The following NBEA variants were observed in gnomAD, a reference collection of about 807,000 sequenced individuals.
NBEA encodes the protein neurobeachin, also known as lysosomal-trafficking regulator 2.
Under a neutral mutation model 343.4 loss-of-function variants are expected in NBEA, and 44 were observed. The ratio of observed to expected loss-of-function variants is 0.13; its 90% confidence interval spans 0.10 to 0.16. The LOEUF is 0.16. Among genes scored for constraint, NBEA ranks in the 10% least tolerant of loss-of-function variants. NBEA has a pLI of 1.00. For missense variants in NBEA, 2,555 were observed against 3,631.3 expected (o/e 0.70, Z 7.62); for synonymous variants, 1,175 against 1,238.7 (o/e 0.95, Z 1.08).
chr13:34,971,149 AGTTT>A (rs889549085), intron 1 of NBEA, among the ~76,000 whole-genome samples: 2 of 148,396 alleles, frequency 1.3e-5, no homozygotes, highest in African/African-American at 4.9e-5. Context: ...TGTGAGTGGG[AGTTT>A]GTTTGTGGTT....
At chr13:35,494,852 A>G (rs555929317) in intron 41 of NBEA, among the ~76,000 whole-genome samples, 1 of 151,866 alleles carries the variant, frequency 6.6e-6, no homozygotes, top group Admixed American at 6.6e-5. Context: ...TCTACAAAAA[A>G]TAGAAAAATT....
intron 1 of NBEA, among the ~76,000 whole-genome samples, chr13:34,978,351 A>G (rs1402692623): frequency 1.3e-5 from 2 of 152,178 alleles, no homozygotes; most frequent in Admixed American, 6.5e-5. Context: ...TACAATTTAC[A>G]TTTTACTAAA....
intron 13 of NBEA, among the ~76,000 whole-genome samples, chr13:35,116,545 TG>T (rs1372381163): frequency 3.3e-5 from 5 of 152,122 alleles, no homozygotes; most frequent in Non-Finnish European, 7.4e-5. Context: ...ATAGGCGGGA[TG>T]GATTTTTTGG....
At chr13:35,471,636 A>G (rs1413937897) in intron 40 of NBEA, among the ~76,000 whole-genome samples, 1 of 152,240 alleles carries the variant, frequency 6.6e-6, no homozygotes, top group Non-Finnish European at 1.5e-5. Context: ...GGGAATTCGA[A>G]GCAAGCACCC....
At chr13:35,155,380 T>C (rs2069097598) in intron 18 of NBEA, among the ~76,000 whole-genome samples, 1 of 152,032 alleles carries the variant, frequency 6.6e-6, no homozygotes, top group Non-Finnish European at 1.5e-5. Context: ...CCCCAGCACT[T>C]TGGGAGGCTG....
At chr13:35,144,314 C>T (rs963242921) in intron 18 of NBEA, among the ~76,000 whole-genome samples, 36 of 152,220 alleles carry the variant, frequency 2.4e-4, no homozygotes, top group African/African-American at 8.7e-4. Flanking sequence ...TTTCCCAGAA[C>T]TGTGATGCTA....
chr13:35,444,376 G>C (rs1042344151), intron 39 of NBEA, among the ~76,000 whole-genome samples: 2 of 151,886 alleles, frequency 1.3e-5, no homozygotes, highest in African/African-American at 2.4e-5. Flanking sequence ...GTTTTAATGA[G>C]AAAAAGTAAT....
chr13:34,953,770 C>T (rs1194200719), intron 1 of NBEA, among the ~76,000 whole-genome samples: 2 of 152,168 alleles, frequency 1.3e-5, no homozygotes, highest in Admixed American at 1.3e-4. Context: ...CCAGGGGTTC[C>T]CAACCCCTGG....
At chr13:35,319,957 C>T (rs564855386) in intron 36 of NBEA, among the ~76,000 whole-genome samples, 11 of 152,076 alleles carry the variant, frequency 7.2e-5, no homozygotes, top group Admixed American at 7.2e-4. Context: ...TAAATAATCC[C>T]CCATCCCTTT....
At chr13:35,394,513 G>T (rs1479674032) in intron 38 of NBEA, among the ~76,000 whole-genome samples, 2 of 151,872 alleles carry the variant, frequency 1.3e-5, no homozygotes, top group African/African-American at 4.8e-5. Flanking sequence ...GTTCAATTTC[G>T]ATTTACCCAC....
At chr13:35,550,389 T>G (rs1204920096) in intron 41 of NBEA, 88 bp from the exon 42 acceptor site, 1 of 707,450 alleles carries the variant, frequency 1.4e-6, no homozygotes, top group South Asian at 2.4e-5. Flanking sequence ...TCATTTCTAG[T>G]TTTCTGACTT....
chr13:35,184,774 A>G (rs2071572050), intron 30 of NBEA, among the ~76,000 whole-genome samples: 1 of 152,134 alleles, frequency 6.6e-6, no homozygotes, highest in Non-Finnish European at 1.5e-5. Flanking sequence ...TTTAGAGATG[A>G]AAAATACAAT....
chr13:35,109,489 A>G (rs1253838778), intron 12 of NBEA, 47 bp downstream of exon 12: 2 of 1,469,832 alleles, frequency 1.4e-6, no homozygotes, highest in Admixed American at 5.0e-5. Context: ...AATGTTATAC[A>G]TTATAGTTGC....
intron 44 of NBEA, among the ~76,000 whole-genome samples, chr13:35,558,011 G>A (rs2079659399): frequency 6.6e-6 from 1 of 152,128 alleles, no homozygotes; most frequent in Admixed American, 6.5e-5. Context: ...TAGAGTAGAA[G>A]GGAATGCGAT....
chr13:35,322,529 TC>T (rs2038233441), intron 36 of NBEA, among the ~76,000 whole-genome samples: 1 of 152,174 alleles, frequency 6.6e-6, no homozygotes, highest in African/African-American at 2.4e-5. Flanking sequence ...TCTGGGTTTA[TC>T]TCGCTAGGAG....
At chr13:35,496,719 A>G (rs1443409895) in intron 41 of NBEA, among the ~76,000 whole-genome samples, 1 of 151,880 alleles carries the variant, frequency 6.6e-6, no homozygotes. Context: ...AGCAAGGATA[A>G]GTTTAATTCC....
intron 32 of NBEA, among the ~76,000 whole-genome samples, chr13:35,209,854 G>A (rs563459306): frequency 1.3e-5 from 2 of 152,158 alleles, no homozygotes; most frequent in African/African-American, 4.8e-5. Flanking sequence ...ATTGGCAAAT[G>A]AATGTCATTA....
intron 38 of NBEA, among the ~76,000 whole-genome samples, chr13:35,368,846 C>G (rs146740073): frequency 2.0e-5 from 3 of 151,550 alleles, no homozygotes; most frequent in Non-Finnish European, 4.4e-5. Context: ...ATTAAAATAT[C>G]TAAATTATAC....
chr13:35,292,702 TAA>T (rs1367816631), intron 35 of NBEA, among the ~76,000 whole-genome samples: 2 of 152,068 alleles, frequency 1.3e-5, no homozygotes, highest in African/African-American at 4.8e-5. Flanking sequence ...TGAGTAACTT[TAA>T]GTTACTATCT....
Sources: allele counts gnomAD v4.1 joint callset (sites outside exome capture counted in the v4.1 genomes callset), GRCh38; gene constraint gnomAD v4.1.1; transcripts MANE v1.5; gene names NCBI Gene and HGNC (gene_info 2026-07-23, HGNC 2026-07-21).